The following RALGPS2 variants were observed in gnomAD, a reference collection of about 807,000 sequenced individuals.
RALGPS2 encodes Ral GEF with PH domain and SH3 binding motif 2, also known as ras-specific guanine nucleotide-releasing factor RalGPS2.
RALGPS2 carries 43 observed loss-of-function variants against 86.8 expected under a neutral mutation model. That is an observed-to-expected ratio of 0.50 (90% CI 0.39 to 0.64). RALGPS2 has a LOEUF of 0.64. Among genes scored for constraint, RALGPS2 ranks in the 30% least tolerant of loss-of-function variants. The pLI is 0.00. For synonymous variants in RALGPS2, 243 were observed against 231.3 expected, an observed-to-expected ratio of 1.05 and a Z score of -0.46; for missense variants, 536 against 694.6, an observed-to-expected ratio of 0.77 and a Z score of 2.57.
intron 4 of RALGPS2, among the ~76,000 whole-genome samples, chr1:178,800,130 A>T (rs1463741729): frequency 6.6e-6 from 1 of 152,200 alleles, no homozygotes; most frequent in African/African-American, 2.4e-5. Flanking sequence ...CCAGATGATG[A>T]GGAAGAAGAT....
At chr1:178,896,333 TGAG>T (rs1180572504) in intron 16 of RALGPS2, among the ~76,000 whole-genome samples, 2 of 151,550 alleles carry the variant, frequency 1.3e-5, no homozygotes, top group Non-Finnish European at 2.9e-5. Flanking sequence ...GTCTGGGGAG[TGAG>T]GAGATGGGTC....
intron 7 of RALGPS2, among the ~76,000 whole-genome samples, chr1:178,824,341 G>C (rs1655646824): frequency 6.6e-6 from 1 of 152,076 alleles, no homozygotes; most frequent in Non-Finnish European, 1.5e-5. Context: ...CCAAAGATTT[G>C]TTGTATTTTG....
At chr1:178,869,167 T>C (rs1658596737) in intron 8 of RALGPS2, 1 of 152,078 alleles carries the variant, frequency 6.6e-6, no homozygotes, top group Non-Finnish European at 1.5e-5. Context: ...AAAAGTCTTC[T>C]ATGCGTTGGG....
At chr1:178,816,293 T>G (rs979912355) in intron 6 of RALGPS2, among the ~76,000 whole-genome samples, 3 of 152,172 alleles carry the variant, frequency 2.0e-5, no homozygotes, top group African/African-American at 7.2e-5. Context: ...TGTGTAATAG[T>G]ATCTTACTGT....
chr1:178,874,038 A>G (rs893008256), intron 8 of RALGPS2, among the ~76,000 whole-genome samples: 1 of 152,056 alleles, frequency 6.6e-6, no homozygotes, highest in East Asian at 1.9e-4. Context: ...TACAAATACT[A>G]TTATTTAATC....
chr1:178,917,006 G>A lies in RALGPS2; in HGVS notation c.*647G>A, dbSNP rs1660838678. The A allele has an allele frequency of 6.6e-6, 1 of 152,062 alleles. No individual in the cohort carries two copies. Among genetic ancestry groups the A allele is most frequent in the Non-Finnish European group, 1.5e-5 (1 of 68,038 alleles). The allele number at this position is 152,062 out of a possible 1,614,324, so 9.4% of individuals were successfully genotyped here. The stretch of plus-strand genomic sequence containing the variant: ...GTTTGTTTTGTTTTGGATGAGGGGA[G>A]AATTTTTTTAAACACTAAACTTCTG... On this transcript the variant is annotated 3_prime_UTR_variant, in exon 20 of 20. Coordinates refer to ENST00000367635, the MANE Select transcript of RALGPS2 (RefSeq NM_152663.5).
intron 2 of RALGPS2, among the ~76,000 whole-genome samples, chr1:178,781,826 GT>G (rs1653408371): frequency 6.6e-6 from 1 of 152,096 alleles, no homozygotes; most frequent in African/African-American, 2.4e-5. Flanking sequence ...TGAAAAAAAT[GT>G]TTTATTAGTT....
rs1398170733 is a variant in RALGPS2, at chr1:178,725,291, G to T, written c.-212G>T. 3 of 171,402 alleles carry T rather than the reference G, an allele frequency of 1.8e-5. No individual in the cohort carries two copies. The highest frequency in any genetic ancestry group is 4.9e-5 in the African/African-American group (2 of 40,612). The allele number at this position is 171,402 out of a possible 1,614,324, so 10.6% of individuals were successfully genotyped here. A position where few individuals can be genotyped will look rare whatever the true frequency, so the allele number is the denominator to read the frequency against. On this transcript the variant is annotated 5_prime_UTR_variant, in exon 1 of 20. Coordinates refer to ENST00000367635, the MANE Select transcript of RALGPS2 (RefSeq NM_152663.5). ...CGGCGGCGGCGGCGGCGGCTGCTGC[G>T]GGCGCTGAATGAGAGACGGTGACTG... is the stretch of plus-strand genomic sequence containing the variant.
At chr1:178,782,840 C>T (rs1653461594) in intron 2 of RALGPS2, among the ~76,000 whole-genome samples, 1 of 152,032 alleles carries the variant, frequency 6.6e-6, no homozygotes, top group African/African-American at 2.4e-5. Context: ...ATAACAACAC[C>T]AAATTATAAG....
intron 1 of RALGPS2, among the ~76,000 whole-genome samples, chr1:178,768,033 G>A (rs1572306285): frequency 1.3e-5 from 2 of 152,218 alleles, no homozygotes; most frequent in African/African-American, 4.8e-5. Flanking sequence ...GTGAGCTACT[G>A]TATCTGGCCT....
At chr1:178,792,254 T>C (rs1653990483) in intron 4 of RALGPS2, among the ~76,000 whole-genome samples, 1 of 152,284 alleles carries the variant, frequency 6.6e-6, no homozygotes, top group Non-Finnish European at 1.5e-5. Flanking sequence ...TCTAATTACA[T>C]AGAAAAAAAG....
chr1:178,857,998 C>T (rs1657709268), intron 8 of RALGPS2, among the ~76,000 whole-genome samples: 1 of 152,126 alleles, frequency 6.6e-6, no homozygotes, highest in African/African-American at 2.4e-5. Context: ...AGATTATCTT[C>T]AGCTTTAATT....
chr1:178,852,626 C>T (rs1346538309), intron 8 of RALGPS2: 1 of 1,535,630 alleles, frequency 6.5e-7, no homozygotes, highest in Non-Finnish European at 8.8e-7. Context: ...TTAGTAGATT[C>T]TATTTAATGC....
At chr1:178,765,193 C>T (rs527552559) in intron 1 of RALGPS2, among the ~76,000 whole-genome samples, 1 of 151,054 alleles carries the variant, frequency 6.6e-6, no homozygotes, top group Non-Finnish European at 1.5e-5. Flanking sequence ...CTTGCTCTGT[C>T]GCCCAGGCTG....
At chr1:178,908,629 CT>C (rs1215004846) in intron 19 of RALGPS2, among the ~76,000 whole-genome samples, 1 of 152,198 alleles carries the variant, frequency 6.6e-6, no homozygotes, top group Non-Finnish European at 1.5e-5. Context: ...GAGATGGTAT[CT>C]CATTGCAATT....
At chr1:178,835,728 G>A (rs963908102) in intron 8 of RALGPS2, among the ~76,000 whole-genome samples, 2 of 152,002 alleles carry the variant, frequency 1.3e-5, no homozygotes, top group African/African-American at 2.4e-5. Flanking sequence ...TTTTACTATC[G>A]AGAAAACCAA....
chr1:178,729,499 G>T (rs990943374), intron 1 of RALGPS2, among the ~76,000 whole-genome samples: 1 of 152,084 alleles, frequency 6.6e-6, no homozygotes, highest in South Asian at 2.1e-4. Context: ...TTTAAAAAAA[G>T]ATTAATATTT....
intron 7 of RALGPS2, among the ~76,000 whole-genome samples, chr1:178,822,268 C>T (rs1456225112): frequency 6.6e-6 from 1 of 152,004 alleles, no homozygotes; most frequent in East Asian, 1.9e-4. Context: ...TTGACCTCTG[C>T]AAATTTGTGT....
chr1:178,844,349 A>G (rs187450095), intron 8 of RALGPS2, among the ~76,000 whole-genome samples: 166 of 152,356 alleles, frequency 1.1e-3, no homozygotes, highest in African/African-American at 3.6e-3. Flanking sequence ...ACCAAAACCT[A>G]CCAATTTTTG....
Sources: gnomAD v4.1 joint callset for allele counts (sites outside exome capture counted in the v4.1 genomes callset) on GRCh38, gnomAD v4.1.1 for gene constraint, MANE v1.5 for transcripts, NCBI Gene and HGNC (gene_info 2026-07-23, HGNC 2026-07-21) for gene names.